TTC13: variants seen among roughly 807,000 people sequenced by gnomAD.
The protein encoded by TTC13 is tetratricopeptide repeat protein 13.
In TTC13, 62 loss-of-function variants were observed where a neutral mutation model predicts 120.0. The ratio of observed to expected loss-of-function variants is 0.52; its 90% CI spans 0.42 to 0.64. The LOEUF (loss-of-function observed/expected upper bound fraction) is 0.64. Among genes scored for constraint, TTC13 ranks in the 30% least tolerant of loss-of-function variants. The pLI is 0.00. For missense variants in TTC13, 824 were observed against 1,050.2 expected (o/e 0.78, Z 2.98); for synonymous variants, 384 against 393.5 (o/e 0.98, Z 0.28).
rs1268400310 is a variant in TTC13 at position 230,978,508 on chromosome 1, C to A, written c.271+52G>T. On this transcript the variant is annotated intron_variant, in intron 1 of 22. Transcript: ENST00000366661. The surrounding 1 kb of genome is among the most constrained non-coding windows in gnomAD (Gnocchi z 5.6). ...CCGTACCCCGGCCCGGGACCCCAGC[C>A]CCGCTGCCCCGCCGCCCCGGCCGAC... is the stretch of plus-strand genomic sequence containing the variant. 21 of 557,332 alleles carry A rather than the reference C, an allele frequency of 3.8e-5. No individual in the cohort carries two copies. The highest frequency in any genetic ancestry group is 5.3e-5 in the Non-Finnish European group (20 of 374,494). The allele number at this position is 557,332 out of a possible 1,614,324, so 34.5% of individuals were successfully genotyped here.
Position 230,921,282 on chromosome 1 carries a change from C to T in TTC13, c.1898+139G>A, listed in dbSNP as rs886480853. 39 of 517,274 alleles carry T rather than the reference C, an allele frequency of 7.5e-5. No homozygotes were observed. In the Admixed American group the frequency reaches 1.3e-3, roughly 17 times the overall value. 32.0% of individuals were successfully genotyped at this position (517,274 alleles called of 1,614,324 possible). On this transcript the variant is annotated intron_variant, in intron 16 of 22. Transcript: ENST00000366661. ...AAGAAAGTGATTATGAAAGCCTTTA[C>T]GATTCTAAACACTGTGTAAAAATTT...
At chr1:230,927,677 C>T (rs1456167828) in intron 12 of TTC13, among the ~76,000 whole-genome samples, 2 of 152,186 alleles carry the variant, frequency 1.3e-5, no homozygotes, top group Non-Finnish European at 2.9e-5. Context: ...ATTTGTTGAA[C>T]GGAAGTTCTT....
Position 230,921,427 on chromosome 1 carries a change from T to A in TTC13, c.1892A>T (p.Tyr631Phe), listed in dbSNP as rs1222579778. 6.7e-7 allele frequency: 1 copy of A among 1,481,540 alleles called. No individual in the cohort carries two copies. Among genetic ancestry groups the A allele is most frequent in the African/African-American group, 1.4e-5 (1 of 70,690 alleles). The allele number at this position is 1,481,540 out of a possible 1,614,324, so 91.8% of individuals were successfully genotyped here. A position where few individuals can be genotyped will look rare whatever the true frequency, so the allele number is the denominator to read the frequency against. ...GAGAAAATTAAAGGCTTACCCATGA[T>A]AAACAAGAATTCTGTCTTTAATAAA... ...LHFIKDRILV[Y>F]HGANNPKGLL... Residue 631 changes from tyrosine to phenylalanine, a missense_variant, in exon 16 of 23, where the codon TAT becomes TTT. By Grantham distance (22) the Tyr-to-Phe change is conservative. This residue lies in a region of TTC13 where 430 missense variants were observed against 626.8 expected (regional missense o/e 0.69). Transcript: ENST00000366661.
intron 8 of TTC13, among the ~76,000 whole-genome samples, chr1:230,937,834 C>T (rs1227122484): frequency 6.6e-6 from 1 of 152,188 alleles, no homozygotes; most frequent in East Asian, 1.9e-4. Context: ...CTCCAAGAGG[C>T]AGAAAGTAGA....
intron 1 of TTC13, among the ~76,000 whole-genome samples, chr1:230,962,210 C>CAA (rs35386237): frequency 0.071 from 9,747 of 138,162 alleles, 671 homozygotes; most frequent in African/African-American, 0.19. Flanking sequence ...AACTCTGACT[C>CAA]AAAAAAAAAA....
intron 4 of TTC13, among the ~76,000 whole-genome samples, chr1:230,952,863 C>T (rs1054177431): frequency 7.9e-5 from 12 of 152,036 alleles, no homozygotes; most frequent in Non-Finnish European, 1.2e-4. Context: ...TGGCAGAATT[C>T]GGAAATTTTT....
At position 230,912,578 on chromosome 1, in the gene TTC13, A is replaced by G. The variant is rs1671609737; in HGVS notation, c.2229+45T>C. The G allele has an allele frequency of 3.8e-6, 6 of 1,591,992 alleles. No homozygotes were observed. In the African/African-American group the frequency reaches 6.8e-5, roughly 18 times the overall value. ...GGCAGAGGTTCAAAAAATTTACAAA[A>G]GAATCATAGGAAGAGCAGAAAAATG... On this transcript the variant is annotated intron_variant, in intron 19 of 22. Coordinates refer to ENST00000366661, the MANE Select transcript of TTC13 (RefSeq NM_024525.5).
In TTC13 at chr1:230,934,237, G is replaced by C. The variant is rs539125840; in HGVS notation, c.901-376C>G. ...AGGACCAAAAGCAAGCCTAACAGCT[G>C]TGTGAAATAATTTAAAATGATCATA... On this transcript the variant is annotated intron_variant, in intron 8 of 22. Coordinates refer to ENST00000366661, the MANE Select transcript of TTC13 (RefSeq NM_024525.5). 2.6e-5 allele frequency among the ~76,000 whole-genome samples: 4 copies of C among 152,200 alleles called. No individual in the cohort carries two copies. In the East Asian group the frequency reaches 7.7e-4, roughly 29 times the overall value.
At position 230,978,355 on chromosome 1, in the gene TTC13, C is replaced by G. The variant is rs957235672; in HGVS notation, c.271+205G>C. Among the ~76,000 whole-genome samples, 5 of 152,102 alleles carry G rather than the reference C, an allele frequency of 3.3e-5. No homozygotes were observed. The highest frequency in any genetic ancestry group is 7.4e-5 in the Non-Finnish European group (5 of 67,978). On this transcript the variant is annotated intron_variant, in intron 1 of 22. Transcript: ENST00000366661. The surrounding 1 kb of genome is among the most constrained non-coding windows in gnomAD (Gnocchi z 5.6). ...TCATTTCTCGACTCGCCGCCCTGCC[C>G]AAAGGCGGCTGCAGGAGGGCGCGCG...
At chr1:230,922,970 G>A (rs1444731702) in intron 15 of TTC13, among the ~76,000 whole-genome samples, 1 of 151,762 alleles carries the variant, frequency 6.6e-6, no homozygotes, top group African/African-American at 2.4e-5. Flanking sequence ...TGAGAAATAG[G>A]AATATACAAG....
At chr1:230,968,153 T>TA (rs1176772843) in intron 1 of TTC13, among the ~76,000 whole-genome samples, 8 of 145,810 alleles carry the variant, frequency 5.5e-5, no homozygotes, top group East Asian at 2.2e-4. Context: ...TTCTTTTTTT[T>TA]ATCACTTAAG....
At chr1:230,911,986 G>C (rs889330836) in intron 19 of TTC13, among the ~76,000 whole-genome samples, 1 of 152,164 alleles carries the variant, frequency 6.6e-6, no homozygotes, top group Non-Finnish European at 1.5e-5. Context: ...TATAAACTTA[G>C]ATGTTTAATT....
chr1:230,914,394 TTTC>T (rs373171611), intron 18 of TTC13, among the ~76,000 whole-genome samples: 16 of 101,910 alleles, frequency 1.6e-4, no homozygotes, highest in African/African-American at 5.5e-4. Context: ...TCCTTATTAT[TTTC>T]TTTTTTTTTC....
At chr1:230,952,659 G>A (rs1675702509) in intron 4 of TTC13, among the ~76,000 whole-genome samples, 1 of 152,138 alleles carries the variant, frequency 6.6e-6, no homozygotes, top group Non-Finnish European at 1.5e-5. Flanking sequence ...CAAGAGAAAT[G>A]TCTTACAACT....
intron 22 of TTC13, among the ~76,000 whole-genome samples, chr1:230,907,804 C>G (rs1218755975): frequency 6.6e-6 from 1 of 152,120 alleles, no homozygotes; most frequent in Non-Finnish European, 1.5e-5. Flanking sequence ...ATGTAAAAAA[C>G]CAGGAGAAGG....
Position 230,928,976 on chromosome 1 carries a change from T to C in TTC13, c.1418A>G (p.Glu473Gly), listed in dbSNP as rs1156924800. ...CAACCCTGGCTGCTCTTCGTAGTCTTCTATGAGGAAAGGCAAATTTTTAGC... is the reference window on the plus strand; with the variant it reads ...CAACCCTGGCTGCTCTTCGTAGTCTCCTATGAGGAAAGGCAAATTTTTAGC... ...HWAKNLPFLI[E>G]DYEEQPGLQP... The change falls in exon 12 of 23, where the codon GAA becomes GGA. Residue 473 changes from glutamate to glycine, a missense_variant. Around this residue, in one of 4 missense-constraint regions of TTC13, gnomAD observed 430 missense variants for 626.8 expected, o/e 0.69. Transcript: ENST00000366661. The C allele has an allele frequency of 3.7e-6, 6 of 1,614,050 alleles. No individual in the cohort carries two copies. The Admixed American group carries it at 5.0e-5, about 13-fold the overall frequency.
At chr1:230,911,308 G>A in intron 20 of TTC13, 162 bp downstream of exon 20, 1 of 522,824 alleles carries the variant, frequency 1.9e-6, no homozygotes, top group Non-Finnish European at 3.4e-6. Context: ...TTGCTGATGT[G>A]ATAGACTAAG....
chr1:230,907,563 C>T (rs951418193), intron 22 of TTC13, among the ~76,000 whole-genome samples: 3 of 152,232 alleles, frequency 2.0e-5, no homozygotes, highest in Non-Finnish European at 2.9e-5. Context: ...GCAAGACCTT[C>T]GGCCTGGTGG....
At chr1:230,920,650 T>C (rs1414398264) in intron 16 of TTC13, 56 bp from the exon 17 acceptor site, 1 of 1,049,846 alleles carries the variant, frequency 9.5e-7, no homozygotes, top group Admixed American at 2.8e-5. Context: ...TTGTAATAAT[T>C]AATCATGCAA....
Sources: gnomAD v4.1 joint callset for allele counts (sites outside exome capture counted in the v4.1 genomes callset) on GRCh38, gnomAD v4.1.1 for gene constraint, gnomAD v4.1.1 regional missense constraint, Gnocchi (gnomAD v3.1) non-coding constraint, MANE v1.5 for transcripts, NCBI Gene and HGNC (gene_info 2026-07-23, HGNC 2026-07-21) for gene names.